The following CCDC171 variants were observed in gnomAD, a reference collection of about 807,000 sequenced individuals.
CCDC171 encodes coiled-coil domain containing 171.
In CCDC171, 177 loss-of-function variants were observed where a neutral mutation model predicts 168.2. The ratio of observed to expected loss-of-function variants is 1.05; its 90% CI spans 0.93 to 1.19. CCDC171 has a LOEUF of 1.19. Among genes scored for constraint, CCDC171 ranks in the 50% most tolerant of loss-of-function variants. The pLI is 0.00. For synonymous variants in CCDC171, 687 were observed against 540.8 expected, an observed-to-expected ratio of 1.27 and a Z score of -3.75; for missense variants, 1,991 against 1,539.0, an observed-to-expected ratio of 1.29 and a Z score of -4.91.
At chr9:15,659,496 G>A (rs934980156) in intron 8 of CCDC171, among the ~76,000 whole-genome samples, 9 of 152,120 alleles carry the variant, frequency 5.9e-5, no homozygotes, top group African/African-American at 2.2e-4. Flanking sequence ...AATCTAGGAA[G>A]GTAGAAAGTA....
At chr9:15,853,523 G>A (rs776219530) in intron 23 of CCDC171, among the ~76,000 whole-genome samples, 1 of 151,520 alleles carries the variant, frequency 6.6e-6, no homozygotes, top group Non-Finnish European at 1.5e-5. Context: ...TTTTCTACAT[G>A]TAAGATTATG....
chr9:15,696,904 G>A (rs34436333), intron 11 of CCDC171, among the ~76,000 whole-genome samples: 4 of 152,190 alleles, frequency 2.6e-5, no homozygotes, highest in African/African-American at 9.6e-5. Flanking sequence ...GTGTTCCTGC[G>A]AAAGGACTGT....
chr9:16,014,460 C>G (rs1832957883), intron 3 of CCDC171, among the ~76,000 whole-genome samples: 1 of 152,128 alleles, frequency 6.6e-6, no homozygotes, highest in African/African-American at 2.4e-5. Context: ...ATATTTTGAC[C>G]TCCACCCATG....
intron 24 of CCDC171, among the ~76,000 whole-genome samples, chr9:15,908,851 C>T (rs1563981767): frequency 6.6e-6 from 1 of 152,090 alleles, no homozygotes; most frequent in Non-Finnish European, 1.5e-5. Context: ...GGTTTTAAAG[C>T]ACCAAGCCAT....
chr9:15,638,402 T>C lies in CCDC171; in HGVS notation c.822+14989T>C, dbSNP rs531103183. Among the ~76,000 whole-genome samples, 3 of 152,208 alleles carry C rather than the reference T, an allele frequency of 2.0e-5. No homozygotes were observed. The East Asian group carries it at 5.8e-4, about 29-fold the overall frequency. On this transcript the variant is annotated intron_variant, in intron 7 of 25. Transcript: ENST00000380701. ...GTTTTACACTCAATTGCGGAGACAATCACTACCAGTAATACTAGGTACTTA... is the reference window on the plus strand; with the variant it reads ...GTTTTACACTCAATTGCGGAGACAACCACTACCAGTAATACTAGGTACTTA...
At chr9:16,009,563 C>A (rs1051653228) in intron 3 of CCDC171, among the ~76,000 whole-genome samples, 1 of 152,090 alleles carries the variant, frequency 6.6e-6, no homozygotes, top group Non-Finnish European at 1.5e-5. Flanking sequence ...ATTTCCCTTA[C>A]GATTCTTTCT....
chr9:15,658,888 T>C (rs2048123318), intron 8 of CCDC171, among the ~76,000 whole-genome samples: 1 of 152,144 alleles, frequency 6.6e-6, no homozygotes, highest in African/African-American at 2.4e-5. Flanking sequence ...CAATTTGTGG[T>C]AATTGGTAAT....
rs564214542 is a variant in CCDC171, at chr9:15,652,006, C to G, written c.823-5121C>G. 3.9e-5 allele frequency among the ~76,000 whole-genome samples: 6 copies of G among 152,084 alleles called. No individual in the cohort carries two copies. The South Asian group carries it at 1.2e-3, about 31-fold the overall frequency. On this transcript the variant is annotated intron_variant, in intron 7 of 25. Coordinates refer to ENST00000380701, the MANE Select transcript of CCDC171 (RefSeq NM_173550.4). The stretch of plus-strand genomic sequence containing the variant: ...CACTGAAGTCTCAACCTCCTGGGCC[C>G]AAGCCGTCCTTTCCACTTTAGCCTC...
At chr9:15,766,928 C>T (rs1345775914) in intron 18 of CCDC171, among the ~76,000 whole-genome samples, 1 of 152,138 alleles carries the variant, frequency 6.6e-6, no homozygotes, top group African/African-American at 2.4e-5. Context: ...TCACAAAGTA[C>T]TAGGATTACA....
At chr9:15,618,052 T>C (rs1487481220) in intron 6 of CCDC171, among the ~76,000 whole-genome samples, 3 of 152,168 alleles carry the variant, frequency 2.0e-5, no homozygotes, top group East Asian at 1.9e-4. Flanking sequence ...AGAATCCCCC[T>C]TGTCAGGATC....
intron 6 of CCDC171, among the ~76,000 whole-genome samples, chr9:15,604,528 T>G (rs2131713126): frequency 6.6e-6 from 1 of 152,364 alleles, no homozygotes; most frequent in Non-Finnish European, 1.5e-5. Flanking sequence ...CAGTTATCCT[T>G]TCCTTATTCA....
At chr9:15,778,466 C>G (rs1269782811) in intron 19 of CCDC171, among the ~76,000 whole-genome samples, 1 of 151,222 alleles carries the variant, frequency 6.6e-6, no homozygotes, top group Non-Finnish European at 1.5e-5. Flanking sequence ...TGGTGAAACC[C>G]CGCCTCTACC....
At chr9:15,610,600 C>T (rs2043610052) in intron 6 of CCDC171, among the ~76,000 whole-genome samples, 2 of 151,430 alleles carry the variant, frequency 1.3e-5, no homozygotes, top group African/African-American at 4.9e-5. Context: ...TACACTCCAG[C>T]CTGGGTGACA....
chr9:15,623,451 A>G (rs762442219), intron 7 of CCDC171, 38 bp downstream of exon 7: 1 of 1,258,744 alleles, frequency 7.9e-7, no homozygotes, highest in Non-Finnish European at 1.1e-6. Context: ...ATATGCGTAC[A>G]AACTTTCACA....
rs540968852 is a variant in CCDC171, at chr9:15,940,979, G to T, written c.3753+20557G>T. On this transcript the variant is annotated intron_variant, in intron 25 of 25. Coordinates refer to ENST00000380701, the MANE Select transcript of CCDC171 (RefSeq NM_173550.4). The stretch of plus-strand genomic sequence containing the variant: ...CCACGACTGTAAAAGGTGGAGATTG[G>T]ACTAGATAATCTCTAAGGTGCCTTC... 3.9e-5 allele frequency among the ~76,000 whole-genome samples: 6 copies of T among 152,020 alleles called. No individual in the cohort carries two copies. In the South Asian group the frequency reaches 8.3e-4, roughly 21 times the overall value.
intron 10 of CCDC171, among the ~76,000 whole-genome samples, chr9:15,683,508 G>A (rs2050178465): frequency 6.6e-6 from 1 of 151,912 alleles, no homozygotes; most frequent in South Asian, 2.1e-4. Flanking sequence ...AAGAATAGGA[G>A]TAGTATTTAT....
At chr9:15,727,587 C>G (rs953195490) in intron 14 of CCDC171, among the ~76,000 whole-genome samples, 3 of 152,152 alleles carry the variant, frequency 2.0e-5, no homozygotes, top group African/African-American at 7.2e-5. Flanking sequence ...CAGGTGTTTA[C>G]TCAAATCACA....
chr9:16,001,344 C>T (rs867333978), intron 3 of CCDC171, among the ~76,000 whole-genome samples: 1 of 152,018 alleles, frequency 6.6e-6, no homozygotes, highest in South Asian at 2.1e-4. Context: ...ACTCAGGCTG[C>T]CCAGTTTAAT....
intron 1 of CCDC171, among the ~76,000 whole-genome samples, chr9:15,559,536 C>T (rs1309594192): frequency 1.3e-5 from 2 of 152,082 alleles, no homozygotes; most frequent in Non-Finnish European, 2.9e-5. Flanking sequence ...TCTGTCTTAT[C>T]AGAGATTAGG....
Sources: gnomAD v4.1 joint callset for allele counts (sites outside exome capture counted in the v4.1 genomes callset) on GRCh38, gnomAD v4.1.1 for gene constraint, MANE v1.5 for transcripts, NCBI Gene and HGNC (gene_info 2026-07-23, HGNC 2026-07-21) for gene names.